Variants in ADGRB2 observed in about 807,000 individuals in gnomAD.
ADGRB2 encodes brain-specific angiogenesis inhibitor 2.
A neutral mutation model predicts 178.7 loss-of-function variants in ADGRB2; 47 were observed. That is an observed-to-expected ratio of 0.26 (90% confidence interval 0.21 to 0.34). The LOEUF (loss-of-function observed/expected upper bound fraction) is 0.34, where lower values mean the gene tolerates loss of function less well. ADGRB2 is among the 10% of genes least tolerant of loss of function. The pLI, the probability that ADGRB2 is intolerant of heterozygous loss-of-function variation, is 1.00. For synonymous variants in ADGRB2, 870 were observed against 912.4 expected, an observed-to-expected ratio of 0.95 and a Z score of 0.84; for missense variants, 1,584 against 2,180.8, an observed-to-expected ratio of 0.73 and a Z score of 5.45.
Position 31,744,749 on chromosome 1 carries a change from TG to T in ADGRB2, c.839-19del. 6.2e-7 allele frequency: 1 copy of T among 1,613,662 alleles called. No homozygotes were observed. On this transcript the variant is annotated intron_variant, in intron 4 of 32. Coordinates refer to ENST00000373658, the MANE Select transcript of ADGRB2 (RefSeq NM_001364857.2). This position sits in a 1 kb window ranked among gnomAD's most constrained non-coding sequence, Gnocchi z 6.7. ...CTCCTCACCTGGAACACGGAGGTGG[TG>T]GCAGGGGCTCAGCAAAGGCCAGCTA... is the stretch of plus-strand genomic sequence containing the variant.
At chr1:31,737,613 C>T (rs1645689346) in intron 19 of ADGRB2, 39 bp downstream of exon 19, 1 of 1,611,502 alleles carries the variant, frequency 6.2e-7, no homozygotes, top group Non-Finnish European at 8.5e-7. Context: ...TGCGCCTGCC[C>T]CCCCTCCCCC....
chr1:31,735,194 G>A lies in ADGRB2; in HGVS notation c.3441C>T (p.Ala1147=). 7.0e-7 allele frequency: 1 copy of A among 1,420,070 alleles called. No homozygotes were observed. Among genetic ancestry groups the A allele is most frequent in the Non-Finnish European group, 9.2e-7 (1 of 1,081,970 alleles). The allele number at this position is 1,420,070 out of a possible 1,614,324, so 88.0% of individuals were successfully genotyped here. ...GGGGCACGACTAACATGGCGTTCCT[G>A]GCCGAGGCTGAGCTGAGCAGGGGGC... ...VPSPLLSSAS[A]RNAMASLWSS... Residue 1147 remains alanine (A), a synonymous_variant, in exon 25 of 33, where the codon GCC becomes GCT. Transcript: ENST00000373658. This position sits in a 1 kb window ranked among gnomAD's most constrained non-coding sequence, Gnocchi z 6.0.
At position 31,750,300 on chromosome 1, in the gene ADGRB2, C is replaced by T. The variant is rs192644938; in HGVS notation, c.839-5569G>A. Among the ~76,000 whole-genome samples, 3 of 152,318 alleles carry T rather than the reference C, an allele frequency of 2.0e-5. No individual in the cohort carries two copies. The East Asian group carries it at 5.8e-4, about 29-fold the overall frequency. On this transcript the variant is annotated intron_variant, in intron 4 of 32. Coordinates refer to ENST00000373658, the MANE Select transcript of ADGRB2 (RefSeq NM_001364857.2). ...AAGGGTCTCAGTCTCCCATGCTGCTCTTGTTCAGAGGGCCTAGCTTCTGGG... is the reference window on the plus strand; with the variant it reads ...AAGGGTCTCAGTCTCCCATGCTGCTTTTGTTCAGAGGGCCTAGCTTCTGGG...
rs990529499 is a variant in ADGRB2, at chr1:31,735,111, C to T, written c.3452+72G>A. On this transcript the variant is annotated intron_variant, in intron 25 of 32. Coordinates refer to ENST00000373658, the MANE Select transcript of ADGRB2 (RefSeq NM_001364857.2). This position sits in a 1 kb window ranked among gnomAD's most constrained non-coding sequence, Gnocchi z 6.0. ...GGGCTGATATCCCTCCTCCTCCCCCCACCATGGGCACTGCCCCCCCCAATT... is the reference window on the plus strand; with the variant it reads ...GGGCTGATATCCCTCCTCCTCCCCCTACCATGGGCACTGCCCCCCCCAATT... 2 of 1,213,022 alleles carry T rather than the reference C, an allele frequency of 1.6e-6. No homozygotes were observed. The highest frequency in any genetic ancestry group is 3.1e-5 in the Admixed American group (1 of 32,656). 75.1% of individuals were successfully genotyped at this position (1,213,022 alleles called of 1,614,324 possible).
Position 31,753,314 on chromosome 1 carries a change from TAAC to T in ADGRB2, c.838+2682_838+2684del, listed in dbSNP as rs982607896. On this transcript the variant is annotated intron_variant, in intron 4 of 32. Transcript: ENST00000373658. This position sits in a 1 kb window ranked among gnomAD's most constrained non-coding sequence, Gnocchi z 4.1. ...AATTTATGGCTCAACTCACCAAAAATAACAAGAGATCTATCAAAGGCAGTTTGC... is the reference window on the plus strand; with the variant it reads ...AATTTATGGCTCAACTCACCAAAAATAAGAGATCTATCAAAGGCAGTTTGC... 1.3e-5 allele frequency among the ~76,000 whole-genome samples: 2 copies of T among 152,128 alleles called. No individual in the cohort carries two copies. The highest frequency in any genetic ancestry group is 4.8e-5 in the African/African-American group (2 of 41,408).
In ADGRB2 at chr1:31,756,316, G is replaced by A. The variant is rs369924351; in HGVS notation, c.521C>T (p.Ala174Val). The change falls in exon 4 of 33, where the codon GCG becomes GTG. Residue 174 changes from alanine to valine, a missense_variant. Ala to Val is a moderately conservative substitution (Grantham distance 64). This residue lies in a region of ADGRB2 where 657 missense variants were observed against 847.6 expected (regional missense o/e 0.78). Transcript: ENST00000373658. This position sits in a 1 kb window ranked among gnomAD's most constrained non-coding sequence, Gnocchi z 8.5. The part of the protein sequence containing the change: ...AEPSEAPRLL[A>V]PAALAFRFVE... The stretch of plus-strand genomic sequence containing the variant: ...AAAGCGGAAGGCTAGGGCAGCGGGC[G>A]CCAGCAGGCGCGGGGCCTCGGAGGG... 27 of 1,612,792 alleles carry A rather than the reference G, an allele frequency of 1.7e-5. No homozygotes were observed. Among genetic ancestry groups the A allele is most frequent in the East Asian group, 6.7e-5 (3 of 44,894 alleles).
intron 27 of ADGRB2, 126 bp from the exon 28 acceptor site, chr1:31,732,280 A>T: frequency 7.3e-7 from 1 of 1,377,226 alleles, no homozygotes; most frequent in Non-Finnish European, 1.0e-6. Context: ...CATGGCCCAT[A>T]GCCCATGGCC....
rs1307597697 is a variant in ADGRB2, at chr1:31,730,871, C to G, written c.4309G>C (p.Glu1437Gln). Reference protein sequence around the residue: ...PPTPSARQVPEPGERSRTMPR... With the variant: ...PPTPSARQVPQPGERSRTMPR... Reference sequence around the variant, plus strand: ...ATGGTCCGGCTGCGCTCCCCTGGCTCGGGCACTTGGCGGGCGCTGGGTGTC... The same window carrying G: ...ATGGTCCGGCTGCGCTCCCCTGGCTGGGGCACTTGGCGGGCGCTGGGTGTC... The change falls in exon 29 of 33, where the codon GAG becomes CAG. Residue 1437 changes from glutamate to glutamine, a missense_variant. Glu to Gln is a conservative substitution (Grantham distance 29). Transcript: ENST00000373658. 1 of 1,561,242 alleles carries G rather than the reference C, an allele frequency of 6.4e-7. No homozygotes were observed. The highest frequency in any genetic ancestry group is 1.9e-5 in the Admixed American group (1 of 51,902).
rs140842802 is a variant in ADGRB2, at chr1:31,733,083, G to A, written c.3513C>T (p.Ala1171=). The change falls in exon 26 of 33, where the codon GCC becomes GCT. Residue 1171 remains alanine (A), a synonymous_variant. Transcript: ENST00000373658. The surrounding 1 kb of genome is among the most constrained non-coding windows in gnomAD (Gnocchi z 4.3). The part of the protein sequence containing the change: ...LPLLALTWMS[A]VLAMTDRRSV... ...AACGGCGGTCTGTCATAGCCAGGACGGCAGACATCCAGGTGAGCGCCAGCA... is the reference window on the plus strand; with the variant it reads ...AACGGCGGTCTGTCATAGCCAGGACAGCAGACATCCAGGTGAGCGCCAGCA... 64 of 1,585,994 alleles carry A rather than the reference G, an allele frequency of 4.0e-5. No homozygotes were observed. Among genetic ancestry groups the A allele is most frequent in the African/African-American group, 8.1e-5 (6 of 74,310 alleles).
chr1:31,728,478 G>A lies in ADGRB2; in HGVS notation c.4416+120C>T, dbSNP rs967042642. 10 of 1,499,122 alleles carry A rather than the reference G, an allele frequency of 6.7e-6. No homozygotes were observed. Among genetic ancestry groups the A allele is most frequent in the East Asian group, 2.3e-5 (1 of 44,150 alleles). The allele number at this position is 1,499,122 out of a possible 1,614,324, so 92.9% of individuals were successfully genotyped here. On this transcript the variant is annotated intron_variant, in intron 30 of 32. Coordinates refer to ENST00000373658, the MANE Select transcript of ADGRB2 (RefSeq NM_001364857.2). The surrounding 1 kb of genome is among the most constrained non-coding windows in gnomAD (Gnocchi z 6.7). ...CATGGGAAGATCCCACGGAACCCCC[G>A]GGCTTGGGCTCCTGGGGTCAGGCTC... is the stretch of plus-strand genomic sequence containing the variant.
In ADGRB2 at chr1:31,731,113, C is replaced by A; in HGVS notation, c.4067G>T (p.Arg1356Leu). The change falls in exon 29 of 33, where the codon CGG (arginine) becomes CTG (leucine). Residue 1356 changes from arginine (R) to leucine (L), a missense_variant. Physicochemically the swap from Arg to Leu is moderately radical, Grantham distance 102. Coordinates refer to ENST00000373658, the MANE Select transcript of ADGRB2 (RefSeq NM_001364857.2). ...GSEGDYMVLP[R>L]RTLSLQPGGG... is the part of the protein sequence containing the mutation. Reference sequence around the variant, plus strand: ...GCCAGGCTGCAGGCTCAAAGTCCGCCGGGGCAGCACCATGTAGTCTCCCTC... The same window carrying A: ...GCCAGGCTGCAGGCTCAAAGTCCGCAGGGGCAGCACCATGTAGTCTCCCTC... The A allele has an allele frequency of 1.9e-6, 3 of 1,583,068 alleles. No individual in the cohort carries two copies. The highest frequency in any genetic ancestry group is 2.6e-6 in the Non-Finnish European group (3 of 1,165,210).
rs2149083875 is a variant in ADGRB2, at chr1:31,764,077, G to A, written c.-384C>T. 3 of 923,068 alleles carry A rather than the reference G, an allele frequency of 3.3e-6. No homozygotes were observed. The highest frequency in any genetic ancestry group is 2.6e-6 in the Non-Finnish European group (2 of 778,460). 57.2% of individuals were successfully genotyped at this position (923,068 alleles called of 1,614,324 possible). A position where few individuals can be genotyped will look rare whatever the true frequency, so the allele number is the denominator to read the frequency against. Reference sequence around the variant, plus strand: ...CCGCGGAGCAGCGCGGGGCGGGCGGGCGGGCGGCGCCGGGCCGGGCGCGGG... The same window carrying A: ...CCGCGGAGCAGCGCGGGGCGGGCGGACGGGCGGCGCCGGGCCGGGCGCGGG... On this transcript the variant is annotated 5_prime_UTR_variant, in exon 1 of 33. Coordinates refer to ENST00000373658, the MANE Select transcript of ADGRB2 (RefSeq NM_001364857.2). This position sits in a 1 kb window ranked among gnomAD's most constrained non-coding sequence, Gnocchi z 7.3.
rs1205462934 is a variant in ADGRB2, at chr1:31,741,184, G to A, written c.1794+189C>T. 6.6e-6 allele frequency among the ~76,000 whole-genome samples: 1 copy of A among 152,144 alleles called. No homozygotes were observed. The highest frequency in any genetic ancestry group is 1.5e-5 in the Non-Finnish European group (1 of 68,024). ...GCAGAGGTAGGCACCAGGGATAAAA[G>A]AAGACACTTGAGAGTCAGGCCTTGA... On this transcript the variant is annotated intron_variant, in intron 11 of 32. Transcript: ENST00000373658. This position sits in a 1 kb window ranked among gnomAD's most constrained non-coding sequence, Gnocchi z 6.5.
Position 31,741,337 on chromosome 1 carries a change from A to G in ADGRB2, c.1794+36T>C. Reference sequence around the variant, plus strand: ...CACCCCCTAGCAGAGTCTGAGACAGATTCTGCTGTGCCCCAGCCCAGCAGG... The same window carrying G: ...CACCCCCTAGCAGAGTCTGAGACAGGTTCTGCTGTGCCCCAGCCCAGCAGG... On this transcript the variant is annotated intron_variant, in intron 11 of 32. Coordinates refer to ENST00000373658, the MANE Select transcript of ADGRB2 (RefSeq NM_001364857.2). This position sits in a 1 kb window ranked among gnomAD's most constrained non-coding sequence, Gnocchi z 6.5. The G allele has an allele frequency of 1.9e-6, 3 of 1,560,594 alleles. No individual in the cohort carries two copies. The highest frequency in any genetic ancestry group is 2.6e-6 in the Non-Finnish European group (3 of 1,147,828).
chr1:31,732,762 C>A, intron 26 of ADGRB2, 150 bp from the exon 27 acceptor site: 1 of 1,120,610 alleles, frequency 8.9e-7, no homozygotes, highest in South Asian at 1.4e-5. Context: ...GGGCAGGGTG[C>A]AACGGGAGGA....
chr1:31,748,874 C>T (rs1212167518), intron 4 of ADGRB2, among the ~76,000 whole-genome samples: 1 of 152,232 alleles, frequency 6.6e-6, no homozygotes, highest in African/African-American at 2.4e-5. Context: ...ATTTCATCCT[C>T]ATCAGGGCTG....
chr1:31,741,261 G>T lies in ADGRB2; in HGVS notation c.1794+112C>A. 1 of 1,097,116 alleles carries T rather than the reference G, an allele frequency of 9.1e-7. No homozygotes were observed. Among genetic ancestry groups the T allele is most frequent in the East Asian group, 2.6e-5 (1 of 38,316 alleles). The allele number at this position is 1,097,116 out of a possible 1,614,324, so 68.0% of individuals were successfully genotyped here. A position where few individuals can be genotyped will look rare whatever the true frequency, so the allele number is the denominator to read the frequency against. On this transcript the variant is annotated intron_variant, in intron 11 of 32. Coordinates refer to ENST00000373658, the MANE Select transcript of ADGRB2 (RefSeq NM_001364857.2). This position sits in a 1 kb window ranked among gnomAD's most constrained non-coding sequence, Gnocchi z 6.5. ...GGAGAGGCACAGCCAGGCAGAAGTG[G>T]GCACAGCATATGCCAAGGCACGTGG...
In ADGRB2 at chr1:31,727,237, G is replaced by C. The variant is rs546446730; in HGVS notation, c.*183C>G. The C allele has an allele frequency of 1.5e-4, 95 of 626,692 alleles. No individual in the cohort carries two copies. In the East Asian group the frequency reaches 3.3e-3, roughly 22 times the overall value. 38.8% of individuals were successfully genotyped at this position (626,692 alleles called of 1,614,324 possible). A position where few individuals can be genotyped will look rare whatever the true frequency, so the allele number is the denominator to read the frequency against. On this transcript the variant is annotated 3_prime_UTR_variant, in exon 33 of 33. Coordinates refer to ENST00000373658, the MANE Select transcript of ADGRB2 (RefSeq NM_001364857.2). This position sits in a 1 kb window ranked among gnomAD's most constrained non-coding sequence, Gnocchi z 4.4. ...GGCTGAGGGGCCTCTGAGAAACAAG[G>C]AAGGGCCCTGGGACCCCAGGCCAAG...
rs531209733 is a variant in ADGRB2 at position 31,727,646 on chromosome 1, T to C, written c.4573-41A>G. On this transcript the variant is annotated intron_variant, in intron 32 of 32. Coordinates refer to ENST00000373658, the MANE Select transcript of ADGRB2 (RefSeq NM_001364857.2). This position sits in a 1 kb window ranked among gnomAD's most constrained non-coding sequence, Gnocchi z 4.4. The stretch of plus-strand genomic sequence containing the variant: ...GAGGGGCCGTGGAGATGGGCCAATA[T>C]CCTTACCCATTGTACAGACGATCAA... 3.2e-4 allele frequency: 465 copies of C among 1,452,776 alleles called. 7 individuals carry two copies. In the South Asian group the frequency reaches 6.2e-3, roughly 19 times the overall value. The allele number at this position is 1,452,776 out of a possible 1,614,324, so 90.0% of individuals were successfully genotyped here.
Sources: gnomAD v4.1 joint callset for allele counts (sites outside exome capture counted in the v4.1 genomes callset) on GRCh38, gnomAD v4.1.1 for gene constraint, gnomAD v4.1.1 regional missense constraint, Gnocchi (gnomAD v3.1) non-coding constraint, MANE v1.5 for transcripts, NCBI Gene and HGNC (gene_info 2026-07-23, HGNC 2026-07-21) for gene names.